The following NSMCE2 variants were observed in gnomAD, a reference collection of about 807,000 sequenced individuals.
NSMCE2 encodes E3 SUMO-protein ligase NSE2.
NSMCE2 carries 24 observed loss-of-function variants against 23.8 expected under a neutral mutation model. That is an observed-to-expected ratio of 1.01 (90% CI 0.73 to 1.42). The LOEUF is 1.42. Ranked by LOEUF, NSMCE2 falls within the 40% of genes most tolerant of loss-of-function variation. NSMCE2 has a pLI of 0.00. For missense variants in NSMCE2, 284 were observed against 296.5 expected (o/e 0.96, Z 0.31); for synonymous variants, 92 against 94.1 (o/e 0.98, Z 0.13).
chr8:125,284,156 G>C (rs1033090019), intron 5 of NSMCE2, among the ~76,000 whole-genome samples: 1 of 92,514 alleles, frequency 1.1e-5, no homozygotes, highest in African/African-American at 3.8e-5. Context: ...TCCGGAAAAA[G>C]AAAAAAAAAA....
intron 5 of NSMCE2, among the ~76,000 whole-genome samples, chr8:125,291,098 A>C (rs1393590689): frequency 6.6e-6 from 1 of 152,210 alleles, no homozygotes; most frequent in Non-Finnish European, 1.5e-5. Flanking sequence ...ATTGTGGTAA[A>C]TATTAAGAAA....
chr8:125,326,963 AAAAAG>A (rs1220277998), intron 5 of NSMCE2, among the ~76,000 whole-genome samples: 1 of 148,190 alleles, frequency 6.7e-6, no homozygotes, highest in Non-Finnish European at 1.5e-5. Flanking sequence ...TTTCAAAAAA[AAAAAG>A]AGAGAGAGAG....
chr8:125,336,880 T>C (rs765302145), intron 5 of NSMCE2, among the ~76,000 whole-genome samples: 3 of 152,212 alleles, frequency 2.0e-5, no homozygotes, highest in Non-Finnish European at 4.4e-5. Flanking sequence ...ATCAGTCCTA[T>C]TGGCAACATA....
intron 5 of NSMCE2, among the ~76,000 whole-genome samples, chr8:125,194,163 C>T (rs1322627925): frequency 2.0e-5 from 3 of 152,146 alleles, no homozygotes; most frequent in Non-Finnish European, 2.9e-5. Context: ...TCCCATTTTA[C>T]GGATGAGGTT....
At chr8:125,314,323 T>C (rs1253130109) in intron 5 of NSMCE2, among the ~76,000 whole-genome samples, 4 of 152,140 alleles carry the variant, frequency 2.6e-5, no homozygotes, top group African/African-American at 9.7e-5. Flanking sequence ...ATTTCACTCT[T>C]GTCGCACCCA....
At chr8:125,283,686 T>G (rs1435514408) in intron 5 of NSMCE2, among the ~76,000 whole-genome samples, 6 of 152,008 alleles carry the variant, frequency 3.9e-5, no homozygotes, top group Admixed American at 1.3e-4. Context: ...AATGCACAAA[T>G]GAAAGGTATT....
chr8:125,315,648 A>G (rs1829148860), intron 5 of NSMCE2, among the ~76,000 whole-genome samples: 1 of 152,160 alleles, frequency 6.6e-6, no homozygotes, highest in Non-Finnish European at 1.5e-5. Context: ...CCTTTCCCCT[A>G]AGGAAATGTA....
intron 5 of NSMCE2, among the ~76,000 whole-genome samples, chr8:125,250,894 A>C (rs1826175507): frequency 6.6e-6 from 1 of 152,218 alleles, no homozygotes; most frequent in Admixed American, 6.5e-5. Flanking sequence ...AGTTGATAAT[A>C]ATGTTGATTA....
chr8:125,313,228 AGAAG>A (rs1389896667), intron 5 of NSMCE2, among the ~76,000 whole-genome samples: 1 of 149,486 alleles, frequency 6.7e-6, no homozygotes. Context: ...AGAAAGAAAA[AGAAG>A]AAAGAAAGAA....
At chr8:125,279,520 A>G (rs573865376) in intron 5 of NSMCE2, among the ~76,000 whole-genome samples, 101 of 152,352 alleles carry the variant, frequency 6.6e-4, no homozygotes, top group Admixed American at 3.5e-3. Context: ...AAGTAAGGTC[A>G]AGTCTGCTTA....
chr8:125,218,025 T>G (rs1030732055), intron 5 of NSMCE2, among the ~76,000 whole-genome samples: 2 of 152,230 alleles, frequency 1.3e-5, no homozygotes, highest in African/African-American at 4.8e-5. Flanking sequence ...AGCCTCCTGA[T>G]AATTTGTTTA....
At chr8:125,359,376 C>T (rs543105389) in intron 7 of NSMCE2, among the ~76,000 whole-genome samples, 1 of 145,878 alleles carries the variant, frequency 6.9e-6, no homozygotes, top group East Asian at 2.0e-4. Context: ...TCTTTTTGCC[C>T]AGGCTGGAGT....
intron 3 of NSMCE2, among the ~76,000 whole-genome samples, chr8:125,147,161 A>G (rs1009291827): frequency 2.6e-5 from 4 of 152,170 alleles, no homozygotes; most frequent in Non-Finnish European, 5.9e-5. Flanking sequence ...TGTGATTTCT[A>G]CCCACCACTC....
At chr8:125,161,399 A>C (rs1326366853) in intron 4 of NSMCE2, among the ~76,000 whole-genome samples, 1 of 152,204 alleles carries the variant, frequency 6.6e-6, no homozygotes, top group Non-Finnish European at 1.5e-5. Context: ...ATAGTTTTAA[A>C]TTTAATGATC....
intron 5 of NSMCE2, among the ~76,000 whole-genome samples, chr8:125,347,429 T>C (rs1180264564): frequency 6.6e-6 from 1 of 152,236 alleles, no homozygotes; most frequent in Admixed American, 6.5e-5. Flanking sequence ...TTGTACTTTG[T>C]ACAAAATGTA....
rs1208615868 is a variant in NSMCE2 at position 125,215,005 on chromosome 8, G to C, written c.418+32749G>C. 2.0e-5 allele frequency among the ~76,000 whole-genome samples: 3 copies of C among 149,888 alleles called. No individual in the cohort carries two copies. The East Asian group carries it at 5.8e-4, about 29-fold the overall frequency. On this transcript the variant is annotated intron_variant, in intron 5 of 7. Coordinates refer to ENST00000287437, the MANE Select transcript of NSMCE2 (RefSeq NM_173685.4). Reference sequence around the variant, plus strand: ...CCCCATGTCCCTACCCTCACCTTTGGTAACCACTTTATTTTATTTTATTTT... The same window carrying C: ...CCCCATGTCCCTACCCTCACCTTTGCTAACCACTTTATTTTATTTTATTTT...
chr8:125,226,570 T>A (rs1825104850), intron 5 of NSMCE2, among the ~76,000 whole-genome samples: 1 of 152,124 alleles, frequency 6.6e-6, no homozygotes, highest in African/African-American at 2.4e-5. Context: ...GCTCAGGCCT[T>A]GTGATCCACT....
chr8:125,333,965 C>CGAG (rs1280804441), intron 5 of NSMCE2, among the ~76,000 whole-genome samples: 5 of 151,964 alleles, frequency 3.3e-5, no homozygotes, highest in African/African-American at 1.2e-4. Context: ...CTCAGGTCAC[C>CGAG]CTCACAGTCA....
At chr8:125,168,033 T>TAATC (rs757923325) in intron 4 of NSMCE2, among the ~76,000 whole-genome samples, 16 of 152,250 alleles carry the variant, frequency 1.1e-4, no homozygotes, top group Non-Finnish European at 2.2e-4. Context: ...TTTCATTTGA[T>TAATC]AAACATTACC....
Sources: gnomAD v4.1 joint callset for allele counts (sites outside exome capture counted in the v4.1 genomes callset) on GRCh38, gnomAD v4.1.1 for gene constraint, MANE v1.5 for transcripts, NCBI Gene and HGNC (gene_info 2026-07-23, HGNC 2026-07-21) for gene names.